The following PTHLH variants were observed in gnomAD, a reference collection of about 807,000 sequenced individuals.
PTHLH encodes parathyroid hormone like hormone.
A neutral mutation model predicts 18.6 loss-of-function variants in PTHLH; 5 were observed. That is an observed-to-expected ratio of 0.27 (90% CI 0.14 to 0.56). The LOEUF (loss-of-function observed/expected upper bound fraction) is 0.56. Among genes scored for constraint, PTHLH ranks in the 20% least tolerant of loss-of-function variants. The probability of loss-of-function intolerance (pLI) is 0.92; values close to 1 mark genes in which losing one functional copy is unlikely to be tolerated. For synonymous variants in PTHLH, 90 were observed against 94.0 expected, an observed-to-expected ratio of 0.96 and a Z score of 0.25; for missense variants, 207 against 223.9, an observed-to-expected ratio of 0.92 and a Z score of 0.48.
rs535763621 is a variant in PTHLH at position 27,964,054 on chromosome 12, G to A, written c.102-284C>T. Among the ~76,000 whole-genome samples the A allele has an allele frequency of 2.6e-5, 4 of 152,252 alleles. 1 individual carries two copies. In the South Asian group the frequency reaches 8.3e-4, roughly 32 times the overall value. ...CTCATGGGCTTCAACTGTATAAAAG[G>A]AAGGGGTCAGAGACAGTGATTTCTA... On this transcript the variant is annotated intron_variant, in intron 4 of 5. Coordinates refer to ENST00000545234, the MANE Select transcript of PTHLH (RefSeq NM_198965.2).
chr12:27,969,999 AT>A (rs2062855044), intron 3 of PTHLH, 25 bp downstream of exon 3: 1 of 518,940 alleles, frequency 1.9e-6, no homozygotes, highest in African/African-American at 1.9e-5. Flanking sequence ...CGAAACCCAC[AT>A]ATATATACAT....
intron 5 of PTHLH, among the ~76,000 whole-genome samples, chr12:27,960,539 G>A (rs1289584137): frequency 2.0e-5 from 3 of 151,772 alleles, no homozygotes; most frequent in Non-Finnish European, 4.4e-5. Flanking sequence ...CCAACATGGC[G>A]AAACCCCATC....
chr12:27,969,997 A>G (rs2062854975), intron 3 of PTHLH, 28 bp downstream of exon 3: 1 of 518,942 alleles, frequency 1.9e-6, no homozygotes, highest in Admixed American at 1.9e-5. Context: ...AGCGAAACCC[A>G]CATATATATA....
Position 27,963,126 on chromosome 12 carries a change from CT to C in PTHLH, c.524+221del, listed in dbSNP as rs1477939024. ...GACGGTGGAGAAAGAGGAATGGGCT[CT>C]AGCGCCTCTCTATGGTGCTGGAGGA... On this transcript the variant is annotated intron_variant, in intron 5 of 5. Coordinates refer to ENST00000545234, the MANE Select transcript of PTHLH (RefSeq NM_198965.2). The C allele has an allele frequency of 2.8e-6, 4 of 1,432,432 alleles. No individual in the cohort carries two copies. In the African/African-American group the frequency reaches 5.7e-5, roughly 21 times the overall value. The allele number at this position is 1,432,432 out of a possible 1,614,324, so 88.7% of individuals were successfully genotyped here.
intron 5 of PTHLH, among the ~76,000 whole-genome samples, chr12:27,961,092 C>A (rs1020839923): frequency 5.3e-5 from 8 of 151,530 alleles, no homozygotes; most frequent in Non-Finnish European, 8.8e-5. Context: ...TTCTTTCAGC[C>A]CTAGGTCTGG....
chr12:27,971,714 G>A (rs1003532922), intron 2 of PTHLH, among the ~76,000 whole-genome samples: 3 of 151,940 alleles, frequency 2.0e-5, no homozygotes, highest in Admixed American at 2.0e-4. Flanking sequence ...GCCTTCCTCA[G>A]TTCATTACTG....
At chr12:27,969,538 C>T (rs768259849) in intron 3 of PTHLH, 22 bp from the exon 4 acceptor site, 4 of 1,531,888 alleles carry the variant, frequency 2.6e-6, no homozygotes, top group East Asian at 2.4e-5. Flanking sequence ...GGGAATGGGA[C>T]CCGAGTGTCA....
In PTHLH at chr12:27,969,417, C is replaced by G; in HGVS notation, c.78G>C (p.Ser26=). The G allele has an allele frequency of 6.3e-6, 10 of 1,588,070 alleles. No homozygotes were observed. The highest frequency in any genetic ancestry group is 8.5e-6 in the Non-Finnish European group (10 of 1,169,960). ...ACAGGCGGCGGCTGAGACCCTCCAC[C>G]GAGCGCCCGCAGGAGGGCACCGCGT... ...LSYAVPSCGR[S]VEGLSRRLKR... Residue 26 remains serine, a synonymous_variant, in exon 4 of 6, where the codon TCG becomes TCC. Transcript: ENST00000545234.
intron 4 of PTHLH, among the ~76,000 whole-genome samples, chr12:27,964,511 A>C (rs2062794833): frequency 6.6e-6 from 1 of 151,668 alleles, no homozygotes; most frequent in South Asian, 2.1e-4. Flanking sequence ...GAGGGAGAGT[A>C]TGTGTATTTT....
intron 5 of PTHLH, chr12:27,962,743 A>G: frequency 1.0e-6 from 1 of 980,750 alleles, no homozygotes; most frequent in Non-Finnish European, 1.2e-6. Context: ...GGTAGAAACC[A>G]GAGTTAAATT....
At chr12:27,969,884 T>C (rs368488330) in intron 3 of PTHLH, 141 bp downstream of exon 3, 2 of 522,490 alleles carry the variant, frequency 3.8e-6, no homozygotes, top group South Asian at 1.4e-5. Flanking sequence ...GCAGTTCTCC[T>C]GGGTTCGTGG....
Position 27,963,417 on chromosome 12 carries a change from A to G in PTHLH, c.455T>C (p.Val152Ala). The change falls in exon 5 of 6, where the codon GTG (valine) becomes GCG (alanine). Residue 152 changes from valine to alanine, a missense_variant. Val to Ala is a moderately conservative substitution (Grantham distance 64). Transcript: ENST00000545234. ...GTCCCCTTCTAGCCCACTCCCAGTCACTCCAGAGTCTAACCAGGCAGAGCG... is the reference window on the plus strand; with the variant it reads ...GTCCCCTTCTAGCCCACTCCCAGTCGCTCCAGAGTCTAACCAGGCAGAGCG... ...RTRSAWLDSG[V>A]TGSGLEGDHL... is the part of the protein sequence containing the mutation. 5.0e-6 allele frequency: 8 copies of G among 1,613,912 alleles called. No homozygotes were observed. Among genetic ancestry groups the G allele is most frequent in the Non-Finnish European group, 6.8e-6 (8 of 1,179,988 alleles).
chr12:27,969,135 G>A, intron 4 of PTHLH: 1 of 519,124 alleles, frequency 1.9e-6, no homozygotes, highest in Non-Finnish European at 3.5e-6. Context: ...TTCCCTAGAA[G>A]AGATTCTGTG....
chr12:27,963,092 A>C (rs1305370122), intron 5 of PTHLH: 1 of 1,393,856 alleles, frequency 7.2e-7, no homozygotes, highest in Non-Finnish European at 9.3e-7. Context: ...TAAAGGATTG[A>C]TGTTGGGTGA....
intron 4 of PTHLH, 86 bp from the exon 5 acceptor site, chr12:27,963,856 G>C: frequency 2.2e-6 from 3 of 1,384,044 alleles, no homozygotes; most frequent in South Asian, 1.2e-5. Context: ...AATCTCTTTA[G>C]TTTTCTAGTT....
At chr12:27,960,986 G>A (rs1228771403) in intron 5 of PTHLH, among the ~76,000 whole-genome samples, 1 of 151,888 alleles carries the variant, frequency 6.6e-6, no homozygotes, top group Admixed American at 6.6e-5. Flanking sequence ...CTGTTGGATT[G>A]TGTTGGGAGA....
At chr12:27,964,259 TCTCTCTCTC>T (rs1565522406) in intron 4 of PTHLH, among the ~76,000 whole-genome samples, 16 of 26,934 alleles carry the variant, frequency 5.9e-4, no homozygotes, top group African/African-American at 1.6e-3. Context: ...TCTCTCTCTC[TCTCTCTCTC>T]CTCTCTCTCT....
At position 27,969,441 on chromosome 12, in the gene PTHLH, G is replaced by T; in HGVS notation, c.54C>A (p.Tyr18Ter). 1 of 1,595,578 alleles carries T rather than the reference G, an allele frequency of 6.3e-7. No individual in the cohort carries two copies. Among genetic ancestry groups the T allele is most frequent in the Non-Finnish European group, 8.5e-7 (1 of 1,173,056 alleles). The change falls in exon 4 of 6, where the codon TAC (tyrosine) becomes TAA (stop). Residue 18 changes from tyrosine to a stop codon, truncating the protein, a stop_gained. Transcript: ENST00000545234. LOFTEE classifies it high-confidence loss of function. Reference protein sequence around the residue: ...QWSVAVFLLSYAVPSCGRSVE... With the variant: ...QWSVAVFLLS ...CCGAGCGCCCGCAGGAGGGCACCGC[G>T]TAGCTCAGCAGGAACACCGCGACGC...
chr12:27,970,302 C>A, intron 2 of PTHLH, 35 bp from the exon 3 acceptor site: 1 of 306,882 alleles, frequency 3.3e-6, no homozygotes, highest in South Asian at 2.6e-5. Flanking sequence ...AAAGAGGTGG[C>A]GCCCTAGGAA....
Sources: allele counts gnomAD v4.1 joint callset (sites outside exome capture counted in the v4.1 genomes callset), GRCh38; gene constraint gnomAD v4.1.1; transcripts MANE v1.5; gene names NCBI Gene and HGNC (gene_info 2026-07-23, HGNC 2026-07-21).